Variants in NEB observed in about 807,000 individuals in gnomAD.
NEB encodes the protein nemaline myopathy type 2.
NEB carries 512 observed loss-of-function variants against 952.2 expected under a neutral mutation model. That is an observed-to-expected ratio of 0.54 (90% CI 0.50 to 0.58). NEB has a LOEUF of 0.58. Ranked by LOEUF, NEB falls within the 20% of genes least tolerant of loss-of-function variation. The pLI, the probability that NEB is intolerant of heterozygous loss-of-function variation, is 0.00. For missense variants in NEB, 8,428 were observed against 9,231.1 expected, an observed-to-expected ratio of 0.91 and a Z score of 3.56; for synonymous variants, 2,900 against 3,149.8, an observed-to-expected ratio of 0.92 and a Z score of 2.66.
intron 124 of NEB, among the ~76,000 whole-genome samples, chr2:151,556,540 T>C (rs905329936): frequency 2.0e-5 from 3 of 152,116 alleles, no homozygotes; most frequent in Non-Finnish European, 4.4e-5. Flanking sequence ...AGAATTACAA[T>C]AAAGCTTACA....
intron 65 of NEB, among the ~76,000 whole-genome samples, chr2:151,632,524 A>T (rs2098689447): frequency 6.6e-6 from 1 of 151,984 alleles, no homozygotes; most frequent in African/African-American, 2.4e-5. Context: ...AAAAATACAA[A>T]AAATTAGTGG....
At chr2:151,512,604 G>T in intron 161 of NEB, 129 bp downstream of exon 161, 1 of 755,868 alleles carries the variant, frequency 1.3e-6, no homozygotes, top group Non-Finnish European at 2.3e-6. Flanking sequence ...GTGAGCCACT[G>T]CACCTGGTGA....
In NEB at chr2:151,533,685, A is replaced by G; in HGVS notation, c.21313-139T>C. The G allele has an allele frequency of 8.3e-6, 5 of 599,690 alleles. No individual in the cohort carries two copies. The South Asian group carries it at 8.7e-5, about 10-fold the overall frequency. The allele number at this position is 599,690 out of a possible 1,614,324, so 37.1% of individuals were successfully genotyped here. A position where few individuals can be genotyped will look rare whatever the true frequency, so the allele number is the denominator to read the frequency against. ...TACTCACATATGTGCGGGTGAAGAC[A>G]TCAAATACATTATAATGTGAAGCAG... On this transcript the variant is annotated intron_variant, in intron 142 of 181. Transcript: ENST00000397345.
intron 13 of NEB, among the ~76,000 whole-genome samples, chr2:151,706,533 G>C (rs561611191): frequency 6.6e-6 from 1 of 152,244 alleles, no homozygotes; most frequent in African/African-American, 2.4e-5. Context: ...ATCTATCTTT[G>C]AAAGTCTCCT....
chr2:151,522,344 C>A (rs758907144), intron 153 of NEB, among the ~76,000 whole-genome samples: 1 of 152,096 alleles, frequency 6.6e-6, no homozygotes, highest in Non-Finnish European at 1.5e-5. Context: ...AAATACCAAT[C>A]TTCAGTATAT....
At chr2:151,558,156 G>A (rs1465631702) in intron 124 of NEB, among the ~76,000 whole-genome samples, 1 of 152,174 alleles carries the variant, frequency 6.6e-6, no homozygotes, top group African/African-American at 2.4e-5. Flanking sequence ...AAGCTGATAA[G>A]CAACTTCAGC....
intron 8 of NEB, among the ~76,000 whole-genome samples, chr2:151,723,739 C>T (rs2099781474): frequency 7.0e-6 from 1 of 143,874 alleles, no homozygotes; most frequent in Non-Finnish European, 1.5e-5. Context: ...GTGACTCTAC[C>T]TGCCTTCTTT....
chr2:151,717,359 T>C (rs1321393290), intron 10 of NEB, 57 bp downstream of exon 10: 2 of 1,210,058 alleles, frequency 1.7e-6, no homozygotes, highest in African/African-American at 3.0e-5. Context: ...TCTCTGATGG[T>C]TGAAATTATT....
intron 13 of NEB, among the ~76,000 whole-genome samples, chr2:151,704,535 G>A (rs540544669): frequency 5.8e-4 from 87 of 150,212 alleles, no homozygotes; most frequent in African/African-American, 2.1e-3. Flanking sequence ...AGGACCCTCC[G>A]AGCCAGGTGC....
chr2:151,555,246 T>A (rs891236307), intron 124 of NEB, among the ~76,000 whole-genome samples: 2 of 152,190 alleles, frequency 1.3e-5, no homozygotes, highest in African/African-American at 4.8e-5. Flanking sequence ...GTGGCTTAAA[T>A]CAGACTGTAT....
intron 75 of NEB, among the ~76,000 whole-genome samples, chr2:151,616,532 A>G (rs534707716): frequency 1.7e-3 from 257 of 152,306 alleles, no homozygotes; most frequent in Non-Finnish European, 2.5e-3. Context: ...CGTCTCCACT[A>G]AAAATACAAT....
intron 74 of NEB, among the ~76,000 whole-genome samples, chr2:151,617,702 A>C (rs2098249674): frequency 6.6e-6 from 1 of 152,138 alleles, no homozygotes; most frequent in South Asian, 2.1e-4. Flanking sequence ...AAAATAATTT[A>C]TAGGAAAGAG....
Position 151,725,497 on chromosome 2 carries a change from G to A in NEB, c.358C>T (p.Pro120Ser), listed in dbSNP as rs1379863774. The A allele has an allele frequency of 1.2e-6, 2 of 1,613,428 alleles. No homozygotes were observed. The highest frequency in any genetic ancestry group is 1.3e-5 in the African/African-American group (1 of 74,864). The change falls in exon 6 of 182, where the codon CCA becomes TCA. Residue 120 changes from proline to serine, a missense_variant. Around this residue, in one of 11 missense-constraint regions of NEB, gnomAD observed 2,851 missense variants for 2,791.5 expected, o/e 1.02. Transcript: ENST00000397345. ...ACTTTTTTGATTCTGCGAAGTTCTGGAGTATCTGTTGTGCTGGCGTATGGC... is the reference window on the plus strand; with the variant it reads ...ACTTTTTTGATTCTGCGAAGTTCTGAAGTATCTGTTGTGCTGGCGTATGGC... ...GQPYASTTDT[P>S]ELRRIKKVQD...
Position 151,579,611 on chromosome 2 carries a change from A to G in NEB, c.16431T>C (p.His5477=). Residue 5477 remains histidine, a synonymous_variant, in exon 105 of 182, where the codon CAT becomes CAC. Coordinates refer to ENST00000397345, the MANE Select transcript of NEB (RefSeq NM_001164508.2). ...YKTAYEKQKG[H]YIGCRSAKED... is the part of the protein sequence containing the mutation. Reference sequence around the variant, plus strand: ...CCTTGGCGCTGCGACAGCCAATGTAATGGCCTTTCTGTTTCTCATAAGCAG... The same window carrying G: ...CCTTGGCGCTGCGACAGCCAATGTAGTGGCCTTTCTGTTTCTCATAAGCAG... 9.7e-7 allele frequency: 1 copy of G among 1,034,320 alleles called. No individual in the cohort carries two copies. The highest frequency in any genetic ancestry group is 2.8e-5 in the East Asian group (1 of 35,330). The allele number at this position is 1,034,320 out of a possible 1,614,324, so 64.1% of individuals were successfully genotyped here.
intron 68 of NEB, among the ~76,000 whole-genome samples, chr2:151,629,174 A>C (rs2098603012): frequency 6.6e-6 from 1 of 152,166 alleles, no homozygotes. Flanking sequence ...GAACCAATAC[A>C]TGTAACTAAG....
At chr2:151,654,125 A>G (rs750641025) in intron 51 of NEB, 26 bp from the exon 52 acceptor site, 19 of 1,470,956 alleles carry the variant, frequency 1.3e-5, no homozygotes, top group Non-Finnish European at 1.8e-5. Context: ...ATTCTTCAGC[A>G]TTATTCTGTC....
Position 151,524,414 on chromosome 2 carries a change from A to G in NEB, c.22376T>C (p.Val7459Ala). 6.2e-7 allele frequency: 1 copy of G among 1,613,822 alleles called. No individual in the cohort carries two copies. Among genetic ancestry groups the G allele is most frequent in the South Asian group, 1.1e-5 (1 of 91,074 alleles). The change falls in exon 153 of 182, where the codon GTG (valine) becomes GCG (alanine). Residue 7459 changes from valine (V) to alanine (A), a missense_variant and splice_region_variant. Around this residue, in one of 11 missense-constraint regions of NEB, gnomAD observed 3,374 missense variants for 3,651.5 expected, o/e 0.92. Coordinates refer to ENST00000397345, the MANE Select transcript of NEB (RefSeq NM_001164508.2). ...CTTGCGGTGCTTGGCTCTGTACTCC[A>G]CCTGAATCAGAGAAAACCAAAATGG... Reference protein sequence around the residue: ...ATQAAKQASEVEYRAKHRKEG... With the variant: ...ATQAAKQASEAEYRAKHRKEG...
chr2:151,506,609 CAAAA>C lies in NEB; in HGVS notation c.23556+296_23556+299del, dbSNP rs555871503. 2.0e-4 allele frequency among the ~76,000 whole-genome samples: 30 copies of C among 152,214 alleles called. 1 individual carries two copies. Among genetic ancestry groups the C allele is most frequent in the South Asian group, 6.2e-4 (3 of 4,826 alleles). Reference sequence around the variant, plus strand: ...AGTCAGTTATTTGGGGGAGGGATAACAAAAGAAATCACAATGTCAAAAAGAAATC... The same window carrying C: ...AGTCAGTTATTTGGGGGAGGGATAACGAAATCACAATGTCAAAAAGAAATC... On this transcript the variant is annotated intron_variant, in intron 163 of 181. Coordinates refer to ENST00000397345, the MANE Select transcript of NEB (RefSeq NM_001164508.2).
chr2:151,706,402 T>C (rs2099706373), intron 13 of NEB, among the ~76,000 whole-genome samples: 1 of 152,198 alleles, frequency 6.6e-6, no homozygotes. Context: ...TTGCCTAATA[T>C]GCTTTAAATT....
Sources: gnomAD v4.1 joint callset for allele counts (sites outside exome capture counted in the v4.1 genomes callset) on GRCh38, gnomAD v4.1.1 for gene constraint, gnomAD v4.1.1 regional missense constraint, MANE v1.5 for transcripts, NCBI Gene and HGNC (gene_info 2026-07-23, HGNC 2026-07-21) for gene names.